The following PHACTR4 variants were observed in gnomAD, a reference collection of about 807,000 sequenced individuals.
PHACTR4 encodes phosphatase and actin regulator 4.
PHACTR4 carries 51 observed loss-of-function variants against 72.7 expected under a neutral mutation model. That is an observed-to-expected ratio of 0.70 (90% confidence interval 0.56 to 0.89). The LOEUF (loss-of-function observed/expected upper bound fraction) is 0.89, where lower values mean the gene tolerates loss of function less well. PHACTR4 is among the 40% of genes least tolerant of loss of function. The pLI is 0.00. For missense variants in PHACTR4, 731 were observed against 861.8 expected (o/e 0.85, Z 1.90); for synonymous variants, 255 against 302.5 (o/e 0.84, Z 1.63).
At chr1:28,385,321 A>T (rs1652472795) in intron 1 of PHACTR4, among the ~76,000 whole-genome samples, 2 of 151,978 alleles carry the variant, frequency 1.3e-5, no homozygotes, top group African/African-American at 4.8e-5. Context: ...AGGCAGGTGG[A>T]TCACCAGAGG....
chr1:28,475,348 G>A (rs1019946167), intron 7 of PHACTR4, among the ~76,000 whole-genome samples: 13 of 151,654 alleles, frequency 8.6e-5, no homozygotes, highest in Non-Finnish European at 1.0e-4. Flanking sequence ...AATTACAACC[G>A]CTAGTTTTAT....
At chr1:28,466,241 G>T in intron 5 of PHACTR4, 141 bp from the exon 6 acceptor site, 1 of 902,618 alleles carries the variant, frequency 1.1e-6, no homozygotes, top group Non-Finnish European at 1.7e-6. Flanking sequence ...GGGGAGGTTG[G>T]GAGGCATTGA....
Position 28,496,788 on chromosome 1 carries a change from G to A in PHACTR4, c.*239G>A. 3.5e-6 allele frequency: 2 copies of A among 575,976 alleles called. No homozygotes were observed. Among genetic ancestry groups the A allele is most frequent in the Non-Finnish European group, 6.2e-6 (2 of 323,548 alleles). 35.7% of individuals were successfully genotyped at this position (575,976 alleles called of 1,614,324 possible). On this transcript the variant is annotated 3_prime_UTR_variant, in exon 14 of 14. Transcript: ENST00000373839. ...CCTTTCAATATTGTAGCATGCTTGA[G>A]GAGTTTTTCCCTTACTGGCCACCAA...
intron 2 of PHACTR4, among the ~76,000 whole-genome samples, chr1:28,452,669 G>A (rs1328125995): frequency 1.3e-5 from 2 of 151,592 alleles, no homozygotes; most frequent in African/African-American, 4.8e-5. Context: ...GGTGGTACAC[G>A]CCTATAGTCC....
At chr1:28,407,592 AC>A (rs1654448689) in intron 2 of PHACTR4, 129 bp downstream of exon 2, 1 of 624,970 alleles carries the variant, frequency 1.6e-6, no homozygotes, top group African/African-American at 1.9e-5. Context: ...TGGGTCTCAA[AC>A]TTTTTGCTTC....
chr1:28,453,702 A>G (rs572025134), intron 2 of PHACTR4: 306 of 1,258,390 alleles, frequency 2.4e-4, no homozygotes, highest in Admixed American at 4.6e-4. Context: ...TCTTACTTCA[A>G]TTTGAACCCA....
intron 9 of PHACTR4, among the ~76,000 whole-genome samples, chr1:28,482,938 CA>C (rs746000955): frequency 0.012 from 1,399 of 118,672 alleles, 17 homozygotes; most frequent in African/African-American, 0.032. Context: ...AACCCTGTCT[CA>C]AAAAAAAAAA....
rs552209650 is a variant in PHACTR4 at position 28,493,276 on chromosome 1, G to A, written c.2093+185G>A. 3.3e-5 allele frequency among the ~76,000 whole-genome samples: 5 copies of A among 152,200 alleles called. 1 individual carries two copies. In the South Asian group the frequency reaches 8.3e-4, roughly 25 times the overall value. On this transcript the variant is annotated intron_variant, in intron 13 of 13. Coordinates refer to ENST00000373839, the MANE Select transcript of PHACTR4 (RefSeq NM_001048183.3). ...GCCTAGGCCAGGTGCGGTGGCTCACGCCTGTAATCCCAGTACTTTGGGAGG... is the reference window on the plus strand; with the variant it reads ...GCCTAGGCCAGGTGCGGTGGCTCACACCTGTAATCCCAGTACTTTGGGAGG...
chr1:28,468,287 T>C (rs1247442892), intron 6 of PHACTR4, among the ~76,000 whole-genome samples: 1 of 152,110 alleles, frequency 6.6e-6, no homozygotes, highest in Non-Finnish European at 1.5e-5. Context: ...CATGAAGACA[T>C]TGTGACTCAT....
At chr1:28,468,015 A>G (rs1369397037) in intron 6 of PHACTR4, among the ~76,000 whole-genome samples, 1 of 152,184 alleles carries the variant, frequency 6.6e-6, no homozygotes, top group Non-Finnish European at 1.5e-5. Flanking sequence ...AATAAAAACT[A>G]TACTCATTAA....
intron 2 of PHACTR4, among the ~76,000 whole-genome samples, chr1:28,425,181 G>T (rs1007348121): frequency 4.6e-5 from 7 of 151,884 alleles, no homozygotes; most frequent in Non-Finnish European, 1.0e-4. Flanking sequence ...GCATTGGCAC[G>T]ATCTTCAGCT....
intron 1 of PHACTR4, among the ~76,000 whole-genome samples, chr1:28,405,979 A>G (rs990102326): frequency 6.6e-6 from 1 of 152,144 alleles, no homozygotes; most frequent in Admixed American, 6.5e-5. Context: ...TCAAAAGCAT[A>G]TTTCACTTTA....
Position 28,457,748 on chromosome 1 carries a change from C to T in PHACTR4, c.17-1337C>T, listed in dbSNP as rs1658494751. On this transcript the variant is annotated intron_variant, in intron 2 of 13. Transcript: ENST00000373839. ...ACATGTTAGCTTATCATATGCTGTTCCTTGATGTATTTCTACAAAGTAGAG... is the reference window on the plus strand; with the variant it reads ...ACATGTTAGCTTATCATATGCTGTTTCTTGATGTATTTCTACAAAGTAGAG... 3.8e-6 allele frequency: 3 copies of T among 780,038 alleles called. No homozygotes were observed. The South Asian group carries it at 1.8e-4, about 46-fold the overall frequency. The allele number at this position is 780,038 out of a possible 1,614,324, so 48.3% of individuals were successfully genotyped here. A position where few individuals can be genotyped will look rare whatever the true frequency, so the allele number is the denominator to read the frequency against.
intron 2 of PHACTR4, chr1:28,454,041 C>A: frequency 6.6e-6 from 2 of 302,448 alleles, no homozygotes; most frequent in South Asian, 3.8e-5. Flanking sequence ...GATAGCAAGA[C>A]CTTGTCTCTA....
chr1:28,476,492 C>T (rs1207329710), intron 8 of PHACTR4, among the ~76,000 whole-genome samples: 1 of 151,518 alleles, frequency 6.6e-6, no homozygotes, highest in Non-Finnish European at 1.5e-5. Context: ...GACAGGGATC[C>T]AAGTAGATTG....
intron 2 of PHACTR4, among the ~76,000 whole-genome samples, chr1:28,456,098 G>A (rs1397067820): frequency 6.6e-6 from 1 of 151,860 alleles, no homozygotes; most frequent in Non-Finnish European, 1.5e-5. Context: ...GAGATCCCTG[G>A]GACTGGATAA....
intron 12 of PHACTR4, 103 bp from the exon 13 acceptor site, chr1:28,492,912 T>C: frequency 1.0e-6 from 1 of 957,182 alleles, no homozygotes; most frequent in Non-Finnish European, 1.6e-6. Flanking sequence ...TGTGAGGGGT[T>C]GCAGTGACTT....
intron 1 of PHACTR4, among the ~76,000 whole-genome samples, chr1:28,400,915 A>G (rs1353409272): frequency 6.6e-6 from 1 of 152,130 alleles, no homozygotes; most frequent in East Asian, 1.9e-4. Context: ...AGATATGGGA[A>G]ATATGTGATA....
intron 10 of PHACTR4, among the ~76,000 whole-genome samples, chr1:28,490,456 C>T (rs34377932): frequency 0.08 from 11,967 of 150,488 alleles, 892 homozygotes; most frequent in East Asian, 0.4. Flanking sequence ...GGCGTGAACC[C>T]GGGAAGCGGA....
Sources: gnomAD v4.1 joint callset for allele counts (sites outside exome capture counted in the v4.1 genomes callset) on GRCh38, gnomAD v4.1.1 for gene constraint, MANE v1.5 for transcripts, NCBI Gene and HGNC (gene_info 2026-07-23, HGNC 2026-07-21) for gene names.